Variants in SGCD observed in about 807,000 individuals in gnomAD.
SGCD encodes the protein sarcoglycan delta.
In SGCD, 18 loss-of-function variants were observed where a neutral mutation model predicts 36.6. The ratio of observed to expected loss-of-function variants is 0.49; its 90% CI spans 0.34 to 0.73. SGCD has a LOEUF of 0.73. Ranked by LOEUF, SGCD falls within the 30% of genes least tolerant of loss-of-function variation. SGCD has a pLI of 0.01. For synonymous variants in SGCD, 133 were observed against 130.6 expected, an observed-to-expected ratio of 1.02 and a Z score of -0.12; for missense variants, 387 against 346.7, an observed-to-expected ratio of 1.12 and a Z score of -0.92.
chr5:155,958,242 ATTGGGTACC>A (rs1352030083), intron 1 of SGCD, among the ~76,000 whole-genome samples: 1 of 152,098 alleles, frequency 6.6e-6, no homozygotes, highest in Admixed American at 6.6e-5. Flanking sequence ...ACTTTCATTG[ATTGGGTACC>A]TTGTGATGGT....
intron 7 of SGCD, among the ~76,000 whole-genome samples, chr5:156,698,510 G>A (rs546747473): frequency 3.4e-4 from 52 of 152,292 alleles, no homozygotes; most frequent in African/African-American, 1.0e-3. Context: ...GGCCCAACCT[G>A]CTGCTAATGC....
chr5:155,919,735 T>G (rs1756830882), intron 1 of SGCD, among the ~76,000 whole-genome samples: 1 of 152,198 alleles, frequency 6.6e-6, no homozygotes, highest in African/African-American at 2.4e-5. Flanking sequence ...TTCTTTTCAG[T>G]ATTTCTTCCC....
chr5:156,448,491 A>G (rs971271935), intron 3 of SGCD, among the ~76,000 whole-genome samples: 22 of 152,104 alleles, frequency 1.4e-4, no homozygotes, highest in African/African-American at 4.8e-5. Context: ...CTCTCCATGG[A>G]ACAGCTTTGG....
chr5:156,600,781 A>G (rs560547942), intron 6 of SGCD, among the ~76,000 whole-genome samples: 1 of 152,306 alleles, frequency 6.6e-6, no homozygotes, highest in South Asian at 2.1e-4. Context: ...ACTTATTTAT[A>G]TTCCCACTAA....
intron 3 of SGCD, among the ~76,000 whole-genome samples, chr5:156,248,641 T>C (rs1434843599): frequency 6.6e-6 from 1 of 152,100 alleles, no homozygotes; most frequent in Non-Finnish European, 1.5e-5. Context: ...CGTAGGATAA[T>C]GTACAGATTT....
chr5:155,745,382 A>G, the SGCD span, among the ~76,000 whole-genome samples: 6 of 152,294 alleles, frequency 3.9e-5, no homozygotes, highest in South Asian at 1.2e-3. Flanking sequence ...GTAGCTAATC[A>G]AATGCAGAAT....
At chr5:155,766,338 C>A in the SGCD span, among the ~76,000 whole-genome samples, 6 of 152,126 alleles carry the variant, frequency 3.9e-5, no homozygotes, top group Non-Finnish European at 5.9e-5. Context: ...AGCTGAAGCG[C>A]ACCACATCCC....
chr5:156,758,433 A>G (rs1461193670), intron 8 of SGCD, among the ~76,000 whole-genome samples: 1 of 151,880 alleles, frequency 6.6e-6, no homozygotes, highest in Non-Finnish European at 1.5e-5. Flanking sequence ...TGACTATTCA[A>G]TGAGAGAGGT....
chr5:156,130,414 T>C (rs1762289104), intron 3 of SGCD, among the ~76,000 whole-genome samples: 2 of 152,346 alleles, frequency 1.3e-5, no homozygotes, highest in South Asian at 4.1e-4. Flanking sequence ...TTGCAGATAT[T>C]TTCGTCCATT....
At chr5:156,269,468 T>TCA (rs1766100325) in intron 3 of SGCD, among the ~76,000 whole-genome samples, 1 of 35,282 alleles carries the variant, frequency 2.8e-5, no homozygotes, top group African/African-American at 1.6e-4. Flanking sequence ...AGACTCCGTC[T>TCA]CAAAAAAAAA....
chr5:156,616,206 T>G (rs867305785), intron 6 of SGCD, among the ~76,000 whole-genome samples: 1 of 152,220 alleles, frequency 6.6e-6, no homozygotes. Flanking sequence ...CATCCTAATA[T>G]AAATACAACG....
chr5:155,939,777 T>G (rs1410684042), intron 1 of SGCD, among the ~76,000 whole-genome samples: 1 of 151,728 alleles, frequency 6.6e-6, no homozygotes, highest in East Asian at 1.9e-4. Context: ...TGCTGTATAC[T>G]AATCTATCTG....
At chr5:156,360,728 A>G (rs1769741818) in intron 3 of SGCD, among the ~76,000 whole-genome samples, 2 of 152,166 alleles carry the variant, frequency 1.3e-5, no homozygotes, top group South Asian at 4.2e-4. Context: ...ACTGTGAAAG[A>G]CACAGCCTGA....
intron 3 of SGCD, among the ~76,000 whole-genome samples, chr5:156,310,010 G>T (rs531991808): frequency 6.6e-6 from 1 of 152,072 alleles, no homozygotes; most frequent in South Asian, 2.1e-4. Flanking sequence ...CTTCCTCAGG[G>T]TTTGCTGCCT....
At chr5:156,509,075 C>T (rs1756827472) in intron 4 of SGCD, among the ~76,000 whole-genome samples, 1 of 152,146 alleles carries the variant, frequency 6.6e-6, no homozygotes, top group Non-Finnish European at 1.5e-5. Flanking sequence ...AACTGAAGAA[C>T]TAGAATTTTG....
the SGCD span, among the ~76,000 whole-genome samples, chr5:155,818,769 C>T: frequency 6.9e-3 from 1,050 of 152,274 alleles, 8 homozygotes; most frequent in Non-Finnish European, 0.012. Flanking sequence ...GATCCTCCCA[C>T]CCTGGCCTCC....
intron 3 of SGCD, among the ~76,000 whole-genome samples, chr5:156,174,035 G>C (rs769364995): frequency 6.6e-6 from 1 of 152,136 alleles, no homozygotes; most frequent in Non-Finnish European, 1.5e-5. Context: ...TCATTGTAAA[G>C]TATACAGATC....
chr5:156,562,650 A>G (rs1414533707), intron 4 of SGCD, among the ~76,000 whole-genome samples: 2 of 152,036 alleles, frequency 1.3e-5, no homozygotes, highest in Admixed American at 1.3e-4. Context: ...TAAAATGACC[A>G]TTCAATTTGC....
chr5:155,977,462 G>A (rs80084072), intron 1 of SGCD, among the ~76,000 whole-genome samples: 3,614 of 152,206 alleles, frequency 0.024, 152 homozygotes, highest in African/African-American at 0.081. Flanking sequence ...TATCCTCAGG[G>A]CATAGTATAG....
Sources: gnomAD v4.1 joint callset for allele counts (sites outside exome capture counted in the v4.1 genomes callset) on GRCh38, gnomAD v4.1.1 for gene constraint, MANE v1.5 for transcripts, NCBI Gene and HGNC (gene_info 2026-07-23, HGNC 2026-07-21) for gene names.